The following SLC30A8 variants were observed in gnomAD, a reference collection of about 807,000 sequenced individuals.
SLC30A8 encodes proton-coupled zinc antiporter SLC30A8.
A neutral mutation model predicts 36.9 loss-of-function variants in SLC30A8; 27 were observed. The observed-to-expected ratio is 0.73, with a 90% confidence interval of 0.54 to 1.01. The LOEUF is 1.01. Among genes scored for constraint, SLC30A8 ranks in the 50% least tolerant of loss-of-function variants. The pLI is 0.00. For missense variants in SLC30A8, 439 were observed against 452.0 expected, an observed-to-expected ratio of 0.97 and a Z score of 0.26; for synonymous variants, 164 against 172.4, an observed-to-expected ratio of 0.95 and a Z score of 0.38.
intron 1 of SLC30A8, among the ~76,000 whole-genome samples, chr8:117,031,305 G>C (rs141248645): frequency 8.0e-4 from 122 of 152,286 alleles, no homozygotes; most frequent in African/African-American, 2.7e-3. Context: ...CTGTTGTTTA[G>C]AGAGAAACAG....
chr8:117,157,781 A>G lies in SLC30A8; in HGVS notation c.509A>G (p.Asp170Gly). The G allele has an allele frequency of 6.2e-7, 1 of 1,614,012 alleles. No homozygotes were observed. Among genetic ancestry groups the G allele is most frequent in the Non-Finnish European group, 8.5e-7 (1 of 1,179,994 alleles). ...YLACERLLYPDYQIQATVMII... is the reference protein window; with the variant it reads ...YLACERLLYPGYQIQATVMII... ...GCATGTGAGCGCCTGCTGTATCCTG[A>G]TTACCAGATCCAGGCGACTGTGATG... Residue 170 changes from aspartate (D) to glycine (G), a missense_variant, in exon 4 of 8, where the codon GAT (aspartate) becomes GGT (glycine). Physicochemically the swap from Asp to Gly is moderately conservative, Grantham distance 94 (BLOSUM62 -1). Transcript: ENST00000456015.
At chr8:117,131,230 A>G (rs1369977481), upstream of SLC30A8, among the ~76,000 whole-genome samples, 1 of 152,046 alleles carries the variant, frequency 6.6e-6, no homozygotes, top group African/African-American at 2.4e-5. Flanking sequence ...TAAAATTTTC[A>G]TAATGCTCTC....
chr8:117,104,961 C>T (rs545492050), intron 2 of SLC30A8, among the ~76,000 whole-genome samples: 4 of 152,184 alleles, frequency 2.6e-5, no homozygotes, highest in Admixed American at 6.5e-5. Context: ...GTGAGGGTGT[C>T]TTTTAGCAAG....
At chr8:117,012,743 A>ACACATG (rs1554623576) in intron 1 of SLC30A8, among the ~76,000 whole-genome samples, 5 of 150,250 alleles carry the variant, frequency 3.3e-5, no homozygotes, top group Admixed American at 6.6e-5. Flanking sequence ...ACACACACAC[A>ACACATG]CACACACACA....
At chr8:116,952,936 C>T (rs1030914054) in intron 1 of SLC30A8, among the ~76,000 whole-genome samples, 5 of 151,108 alleles carry the variant, frequency 3.3e-5, no homozygotes, top group South Asian at 2.1e-4. Context: ...GGGTATATTG[C>T]GTGAGGCTGA....
intron 1 of SLC30A8, among the ~76,000 whole-genome samples, chr8:117,012,623 TC>T (rs1816378953): frequency 6.6e-6 from 1 of 151,424 alleles, no homozygotes; most frequent in South Asian, 2.1e-4. Context: ...CCTCTGGAGT[TC>T]CTGGAGCCAA....
intron 1 of SLC30A8, among the ~76,000 whole-genome samples, chr8:116,988,381 C>A (rs1815518913): frequency 2.0e-5 from 3 of 152,194 alleles, no homozygotes; most frequent in Admixed American, 1.3e-4. Context: ...TGCTGGCTAG[C>A]AATCCAGTCC....
chr8:116,978,173 T>G (rs913133867), intron 1 of SLC30A8, among the ~76,000 whole-genome samples: 4 of 152,144 alleles, frequency 2.6e-5, no homozygotes, highest in African/African-American at 9.7e-5. Context: ...AAAGTCCTGG[T>G]CTATCAACAT....
chr8:117,020,880 T>G (rs1816676074), intron 1 of SLC30A8, among the ~76,000 whole-genome samples: 1 of 151,734 alleles, frequency 6.6e-6, no homozygotes, highest in South Asian at 2.1e-4. Flanking sequence ...AAGAAAAGAG[T>G]GGAATAATAA....
chr8:116,994,900 T>A lies in SLC30A8; in HGVS notation c.-266+43781T>A, dbSNP rs377495119. On this transcript the variant is annotated intron_variant, in intron 1 of 10. Coordinates refer to the SLC30A8 transcript ENST00000427715. ...GGAAGGGCTCTTTTTAAATTAATTA[T>A]GCATCTGATTATGGAAGAAGACTGC... Among the ~76,000 whole-genome samples the A allele has an allele frequency of 3.7e-4, 56 of 152,244 alleles. No individual in the cohort carries two copies. In the South Asian group the frequency reaches 0.011, roughly 31 times the overall value.
chr8:117,011,655 C>G (rs1816347659), intron 1 of SLC30A8, among the ~76,000 whole-genome samples: 1 of 152,116 alleles, frequency 6.6e-6, no homozygotes, highest in Non-Finnish European at 1.5e-5. Flanking sequence ...ATATAGCATT[C>G]AATTTTATTG....
intron 1 of SLC30A8, among the ~76,000 whole-genome samples, chr8:116,965,144 G>A (rs1814555297): frequency 6.6e-6 from 1 of 152,100 alleles, no homozygotes; most frequent in Admixed American, 6.6e-5. Flanking sequence ...CACCATATTG[G>A]CCAGGCTGGT....
chr8:116,999,029 C>T (rs1043149669), intron 1 of SLC30A8, among the ~76,000 whole-genome samples: 3 of 152,152 alleles, frequency 2.0e-5, no homozygotes, highest in African/African-American at 4.8e-5. Flanking sequence ...GAGGCTGAGG[C>T]GGGCAGATCA....
At chr8:117,024,261 G>A (rs188480174) in intron 1 of SLC30A8, among the ~76,000 whole-genome samples, 9 of 152,310 alleles carry the variant, frequency 5.9e-5, no homozygotes, top group Non-Finnish European at 8.8e-5. Context: ...AGGAAATACT[G>A]TCTTTAGGTA....
At chr8:117,040,070 A>C (rs1342342949) in intron 2 of SLC30A8, among the ~76,000 whole-genome samples, 1 of 152,204 alleles carries the variant, frequency 6.6e-6, no homozygotes, top group Non-Finnish European at 1.5e-5. Context: ...ATGCCTGTGG[A>C]CATTACACTT....
At chr8:117,170,927 G>A (rs1362864878) in intron 6 of SLC30A8, 107 bp from the exon 7 acceptor site, 3 of 903,656 alleles carry the variant, frequency 3.3e-6, no homozygotes, top group East Asian at 5.3e-5. Context: ...ACCAGCAAAG[G>A]GATGAACACA....
chr8:117,161,235 T>G (rs1329954574), intron 4 of SLC30A8, among the ~76,000 whole-genome samples: 1 of 152,258 alleles, frequency 6.6e-6, no homozygotes, highest in East Asian at 1.9e-4. Flanking sequence ...TTTAAAATTC[T>G]TTTGAAAATG....
At chr8:117,001,561 A>AAT (rs578259197) in intron 1 of SLC30A8, among the ~76,000 whole-genome samples, 332 of 152,318 alleles carry the variant, frequency 2.2e-3, no homozygotes, top group African/African-American at 7.6e-3. Flanking sequence ...CTCATTCTAA[A>AAT]ATGATGGTAA....
At chr8:116,981,026 C>T (rs1474525735) in intron 1 of SLC30A8, among the ~76,000 whole-genome samples, 5 of 152,174 alleles carry the variant, frequency 3.3e-5, no homozygotes, top group African/African-American at 9.7e-5. Flanking sequence ...CACCGAGGGT[C>T]ACAAATTCAG....
Sources: allele counts gnomAD v4.1 joint callset (sites outside exome capture counted in the v4.1 genomes callset), GRCh38; gene constraint gnomAD v4.1.1; transcripts MANE v1.5; gene names NCBI Gene and HGNC (gene_info 2026-07-23, HGNC 2026-07-21).